Variants in XPC observed in about 807,000 individuals in gnomAD.
XPC encodes the protein DNA repair protein complementing XP-C cells.
In XPC, 76 loss-of-function variants were observed where a neutral mutation model predicts 95.8. The observed-to-expected ratio is 0.79, with a 90% CI of 0.66 to 0.96. XPC has a LOEUF of 0.96. XPC is among the 40% of genes least tolerant of loss of function. XPC has a pLI of 0.00. For missense variants in XPC, 1,146 were observed against 1,179.8 expected, an observed-to-expected ratio of 0.97 and a Z score of 0.42; for synonymous variants, 442 against 442.1, an observed-to-expected ratio of 1.00 and a Z score of 0.00.
Position 14,170,515 on chromosome 3 carries a change from A to C in XPC, c.335T>G (p.Leu112Arg). 1 of 1,613,638 alleles carries C rather than the reference A, an allele frequency of 6.2e-7. No homozygotes were observed. Among genetic ancestry groups the C allele is most frequent in the African/African-American group, 1.3e-5 (1 of 75,038 alleles). Residue 112 changes from leucine (L) to arginine (R), a missense_variant, in exon 3 of 16, where the codon CTG (leucine) becomes CGG (arginine). Leu to Arg is a moderately radical substitution (Grantham distance 102). Transcript: ENST00000285021. ...TTCATTCATGGTAGCCCCTCTCTTC[A>C]GATGGTGTGCCTTCTTGAGGTCACT... ...FPSDLKKAHH[L>R]KRGATMNEDS...
chr3:14,152,397 G>A lies in XPC; in HGVS notation c.2053C>T (p.His685Tyr). 5.6e-6 allele frequency: 9 copies of A among 1,612,404 alleles called. No homozygotes were observed. Among genetic ancestry groups the A allele is most frequent in the Non-Finnish European group, 7.6e-6 (9 of 1,179,248 alleles). Residue 685 changes from histidine to tyrosine, a missense_variant, in exon 11 of 16, where the codon CAT (histidine) becomes TAT (tyrosine). Coordinates refer to ENST00000285021, the MANE Select transcript of XPC (RefSeq NM_004628.5). ...VYSRDCVHTL[H>Y]SRDTWLKKAR... ...TTCTTCAGCCACGTGTCCCTGGAATGCAGAGTGTGCACACAATCCCTGTGG... is the reference window on the plus strand; with the variant it reads ...TTCTTCAGCCACGTGTCCCTGGAATACAGAGTGTGCACACAATCCCTGTGG...
Position 14,148,851 on chromosome 3 carries a change from G to C in XPC, c.2213C>G (p.Thr738Arg). Residue 738 changes from threonine (T) to arginine (R), a missense_variant, in exon 12 of 16, where the codon ACA becomes AGA. Transcript: ENST00000285021. ...NDLGLFGYWQ[T>R]EEYQPPVAVD... Reference sequence around the variant, plus strand: ...GGCCACTGGGGGCTGATACTCCTCTGTCTGCCAGTAGCCAAACAGGCCCAG... The same window carrying C: ...GGCCACTGGGGGCTGATACTCCTCTCTCTGCCAGTAGCCAAACAGGCCCAG... The C allele has an allele frequency of 6.2e-7, 1 of 1,614,020 alleles. No homozygotes were observed. The highest frequency in any genetic ancestry group is 1.1e-5 in the South Asian group (1 of 91,084).
intron 9 of XPC, among the ~76,000 whole-genome samples, chr3:14,156,697 A>G (rs770738166): frequency 1.3e-5 from 2 of 152,192 alleles, no homozygotes; most frequent in African/African-American, 4.8e-5. Flanking sequence ...AAAGAATCAA[A>G]TAAATCTGTG....
At position 14,148,803 on chromosome 3, in the gene XPC, G is replaced by A. The variant is rs1559369171; in HGVS notation, c.2250+11C>T. On this transcript the variant is annotated intron_variant, in intron 12 of 15. Transcript: ENST00000285021. ...CGGCCTGGTCCTGAGCCCTTCTGAT[G>A]CTGCCCTTACCTTCCCGTCCACGGC... The A allele has an allele frequency of 1.2e-6, 2 of 1,613,872 alleles. No homozygotes were observed. The highest frequency in any genetic ancestry group is 8.5e-7 in the Non-Finnish European group (1 of 1,179,786).
Position 14,161,325 on chromosome 3 carries a change from C to T in XPC, c.901-1495G>A, listed in dbSNP as rs559979440. On this transcript the variant is annotated intron_variant, in intron 7 of 15. Transcript: ENST00000285021. ...CGTTAGAAGAGGAAATATTTTTTAA[C>T]TTGTTCTATGAGGCAAGCATTACCC... Among the ~76,000 whole-genome samples the T allele has an allele frequency of 2.6e-4, 39 of 152,270 alleles. 1 individual carries two copies. The South Asian group carries it at 7.9e-3, about 31-fold the overall frequency.
intron 10 of XPC, among the ~76,000 whole-genome samples, chr3:14,154,018 G>C (rs1299679968): frequency 1.3e-5 from 2 of 152,222 alleles, no homozygotes; most frequent in Non-Finnish European, 2.9e-5. Context: ...CAGGTAGGCA[G>C]CATCTGGACA....
chr3:14,170,195 CCTCT>C, intron 3 of XPC, among the ~76,000 whole-genome samples: 1 of 152,224 alleles, frequency 6.6e-6, no homozygotes, highest in Admixed American at 6.5e-5. Flanking sequence ...AATAGTGCTG[CCTCT>C]CTATTTATAT....
Position 14,178,587 on chromosome 3 carries a change from T to C in XPC, c.-19A>G. 2 of 1,612,418 alleles carry C rather than the reference T, an allele frequency of 1.2e-6. No homozygotes were observed. The highest frequency in any genetic ancestry group is 1.7e-5 in the Admixed American group (1 of 59,998). On this transcript the variant is annotated 5_prime_UTR_variant, in exon 1 of 16. Transcript: ENST00000285021. The stretch of plus-strand genomic sequence containing the variant: ...GAGCCATGTTGCTTGTCTGGGCAAA[T>C]TCCACTTCGCGAGTGACGCACCCGG...
intron 2 of XPC, among the ~76,000 whole-genome samples, chr3:14,172,434 T>C (rs1045691448): frequency 1.3e-5 from 2 of 152,170 alleles, no homozygotes; most frequent in Non-Finnish European, 2.9e-5. Context: ...GTAGAGGGAA[T>C]ACCATGAGCA....
rs191791252 is a variant in XPC, at chr3:14,154,272, A to G, written c.2034-1856T>C. Among the ~76,000 whole-genome samples, 4 of 152,286 alleles carry G rather than the reference A, an allele frequency of 2.6e-5. No individual in the cohort carries two copies. The East Asian group carries it at 7.7e-4, about 29-fold the overall frequency. On this transcript the variant is annotated intron_variant, in intron 10 of 15. Coordinates refer to ENST00000285021, the MANE Select transcript of XPC (RefSeq NM_004628.5). ...ATGGGAATTACCATCTGGCCTAGTA[A>G]TTGTACTGGGTATATGCAAACAAAC...
chr3:14,168,246 C>T lies in XPC; in HGVS notation c.536+11G>A. ...TGTGACAGGAGCCTAGAAGCAAGGG[C>T]CTAAGCTTACCTTCTTTCTCTTGTC... On this transcript the variant is annotated intron_variant, in intron 4 of 15. Transcript: ENST00000285021. 1 of 1,608,110 alleles carries T rather than the reference C, an allele frequency of 6.2e-7. No homozygotes were observed. The highest frequency in any genetic ancestry group is 1.7e-5 in the Admixed American group (1 of 58,478).
Position 14,145,636 on chromosome 3 carries a change from T to G in XPC, c.*305A>C. The G allele has an allele frequency of 1.4e-6, 1 of 699,410 alleles. No individual in the cohort carries two copies. Among genetic ancestry groups the G allele is most frequent in the South Asian group, 1.5e-5 (1 of 66,668 alleles). The allele number at this position is 699,410 out of a possible 1,614,324, so 43.3% of individuals were successfully genotyped here. ...TTTCTAAAGATGGAAAGAACAGGTC[T>G]AGGAGGCAGAAGAGTATCTCCTAGC... On this transcript the variant is annotated 3_prime_UTR_variant, in exon 16 of 16. Coordinates refer to ENST00000285021, the MANE Select transcript of XPC (RefSeq NM_004628.5).
At chr3:14,155,619 G>A (rs1425771178) in intron 10 of XPC, among the ~76,000 whole-genome samples, 5 of 151,914 alleles carry the variant, frequency 3.3e-5, no homozygotes, top group Non-Finnish European at 5.9e-5. Context: ...GTGCAGTGGC[G>A]CGATCTTGGC....
At position 14,145,983 on chromosome 3, in the gene XPC, C is replaced by G. The variant is rs1257420610; in HGVS notation, c.2781G>C (p.Lys927Asn). 1.4e-5 allele frequency: 23 copies of G among 1,608,970 alleles called. No individual in the cohort carries two copies. Among genetic ancestry groups the G allele is most frequent in the Non-Finnish European group, 2.0e-5 (23 of 1,176,282 alleles). The change falls in exon 16 of 16, where the codon AAG becomes AAC. Residue 927 changes from lysine to asparagine, a missense_variant. Physicochemically the swap from Lys to Asn is moderately conservative, Grantham distance 94. Coordinates refer to ENST00000285021, the MANE Select transcript of XPC (RefSeq NM_004628.5). The stretch of plus-strand genomic sequence containing the variant: ...GGAACAGGTGGGAAGCTGCTGCTTT[C>G]TTTTCCCTTTTGGTCTTCTTGGGCC... ...KGGPKKTKRE[K>N]KAAASHLFPF...
intron 5 of XPC, 85 bp from the exon 6 acceptor site, chr3:14,165,670 T>C (rs1696350894): frequency 7.3e-6 from 11 of 1,504,308 alleles, no homozygotes; most frequent in African/African-American, 2.8e-5. Context: ...CAAGACATGC[T>C]GTGGACAAGA....
chr3:14,173,107 T>C (rs1247894481), intron 1 of XPC, 45 bp from the exon 2 acceptor site: 1 of 1,477,350 alleles, frequency 6.8e-7, no homozygotes. Context: ...GAAGGAAAGG[T>C]GGAGGCAGTG....
At chr3:14,168,205 G>A in intron 4 of XPC, 52 bp downstream of exon 4, 1 of 1,557,482 alleles carries the variant, frequency 6.4e-7, no homozygotes, top group Non-Finnish European at 8.6e-7. Context: ...CTAAGCAGCA[G>A]CTGTTGCCTA....
At chr3:14,150,245 C>T (rs1284533030) in intron 11 of XPC, among the ~76,000 whole-genome samples, 1 of 152,226 alleles carries the variant, frequency 6.6e-6, no homozygotes, top group Admixed American at 6.5e-5. Context: ...CATGGGCGTG[C>T]GGCTGAGGGC....
chr3:14,174,556 A>C (rs1209456922), intron 1 of XPC, among the ~76,000 whole-genome samples: 1 of 152,238 alleles, frequency 6.6e-6, no homozygotes, highest in African/African-American at 2.4e-5. Flanking sequence ...AAAGGGGGAT[A>C]AAGGAAACAC....
Sources: allele counts gnomAD v4.1 joint callset (sites outside exome capture counted in the v4.1 genomes callset), GRCh38; gene constraint gnomAD v4.1.1; transcripts MANE v1.5; gene names NCBI Gene and HGNC (gene_info 2026-07-23, HGNC 2026-07-21).